GAREM1: variants seen among roughly 807,000 people sequenced by gnomAD.
GAREM1 encodes the protein GRB2 associated regulator of MAPK1 subtype 1.
A neutral mutation model predicts 71.3 loss-of-function variants in GAREM1; 26 were observed. The ratio of observed to expected loss-of-function variants is 0.36; its 90% CI spans 0.27 to 0.51. GAREM1 has a LOEUF of 0.51. GAREM1 is among the 20% of genes least tolerant of loss of function. GAREM1 has a pLI of 0.95. For missense variants in GAREM1, 1,026 were observed against 1,103.1 expected (o/e 0.93, Z 0.99); for synonymous variants, 440 against 433.2 (o/e 1.02, Z -0.20).
intron 1 of GAREM1, among the ~76,000 whole-genome samples, chr18:32,401,445 T>TA (rs34596610): frequency 0.13 from 20,262 of 151,432 alleles, 1,570 homozygotes; most frequent in African/African-American, 0.21. Flanking sequence ...ATAATGGTCT[T>TA]AAAAAGAAAA....
At chr18:32,313,389 G>A (rs2047343636) in intron 2 of GAREM1, among the ~76,000 whole-genome samples, 1 of 152,174 alleles carries the variant, frequency 6.6e-6, no homozygotes, top group Admixed American at 6.5e-5. Context: ...AGAAGTCAGT[G>A]CATGCAGTTG....
At chr18:32,463,197 A>G (rs2048968299) in intron 1 of GAREM1, among the ~76,000 whole-genome samples, 1 of 152,204 alleles carries the variant, frequency 6.6e-6, no homozygotes, top group African/African-American at 2.4e-5. Flanking sequence ...ATAAATATGT[A>G]TTAATATAAT....
intron 2 of GAREM1, among the ~76,000 whole-genome samples, chr18:32,353,568 C>G (rs921748967): frequency 6.6e-6 from 1 of 152,146 alleles, no homozygotes; most frequent in African/African-American, 2.4e-5. Flanking sequence ...TACCTATGGG[C>G]TTTGACTTCT....
At chr18:32,401,066 A>G (rs2048310398) in intron 1 of GAREM1, among the ~76,000 whole-genome samples, 1 of 152,180 alleles carries the variant, frequency 6.6e-6, no homozygotes. Flanking sequence ...TCAGCAAACT[A>G]TAGGAAGGAC....
intron 1 of GAREM1, among the ~76,000 whole-genome samples, chr18:32,469,588 G>T (rs930957864): frequency 1.3e-5 from 2 of 152,228 alleles, no homozygotes; most frequent in Non-Finnish European, 2.9e-5. Flanking sequence ...GGAGGAAGGA[G>T]TTGGGTGGGT....
intron 2 of GAREM1, among the ~76,000 whole-genome samples, chr18:32,373,099 C>T (rs1260597358): frequency 6.6e-6 from 1 of 152,104 alleles, no homozygotes; most frequent in East Asian, 1.9e-4. Context: ...TACAAGTATT[C>T]ATGTTGTATC....
At chr18:32,361,377 C>CA (rs893090132) in intron 2 of GAREM1, among the ~76,000 whole-genome samples, 12 of 151,618 alleles carry the variant, frequency 7.9e-5, no homozygotes, top group East Asian at 3.9e-4. Context: ...AAATCTGTTG[C>CA]AAAAAAACAA....
intron 2 of GAREM1, among the ~76,000 whole-genome samples, chr18:32,384,200 G>A (rs1425869121): frequency 6.6e-6 from 1 of 152,104 alleles, no homozygotes; most frequent in Non-Finnish European, 1.5e-5. Context: ...GTTTCCATAA[G>A]AAGCCATGAG....
At chr18:32,451,366 C>G (rs182073268) in intron 1 of GAREM1, among the ~76,000 whole-genome samples, 11 of 150,448 alleles carry the variant, frequency 7.3e-5, no homozygotes, top group Admixed American at 3.4e-4. Context: ...GAACAATAAA[C>G]CCTTGCTGTT....
chr18:32,283,588 A>G (rs1407488469), intron 4 of GAREM1, among the ~76,000 whole-genome samples: 5 of 152,140 alleles, frequency 3.3e-5, no homozygotes, highest in Admixed American at 1.3e-4. Context: ...TTATTAAACA[A>G]TCTTTACAAA....
At chr18:32,342,240 G>A (rs971809605) in intron 2 of GAREM1, among the ~76,000 whole-genome samples, 2 of 152,020 alleles carry the variant, frequency 1.3e-5, no homozygotes, top group African/African-American at 2.4e-5. Flanking sequence ...TTGAGGTCTC[G>A]AAGCTAAAGA....
intron 1 of GAREM1, among the ~76,000 whole-genome samples, chr18:32,429,965 T>C (rs954383373): frequency 6.6e-5 from 10 of 152,224 alleles, no homozygotes; most frequent in Non-Finnish European, 1.5e-4. Flanking sequence ...AAATCATGGC[T>C]TGTCATGGAC....
In GAREM1 at chr18:32,268,296, T is replaced by G; in HGVS notation, c.2206A>C (p.Lys736Gln). Reference sequence around the variant, plus strand: ...AAAGGAGATGTTTCGGAGGCGACCTTCTCTTCCACTAGTTTTGGAGCCCTG... The same window carrying G: ...AAAGGAGATGTTTCGGAGGCGACCTGCTCTTCCACTAGTTTTGGAGCCCTG... ...PPRAPKLVEEKVASETSPLPL... is the reference protein window; with the variant it reads ...PPRAPKLVEEQVASETSPLPL... The change falls in exon 6 of 6, where the codon AAG becomes CAG. Residue 736 changes from lysine to glutamine, a missense_variant. Lys to Gln is a moderately conservative substitution (Grantham distance 53). Around this residue, in one of 3 missense-constraint regions of GAREM1, gnomAD observed 636 missense variants for 631.2 expected, o/e 1.01. Coordinates refer to ENST00000269209, the MANE Select transcript of GAREM1 (RefSeq NM_001242409.2). The G allele has an allele frequency of 6.2e-7, 1 of 1,614,066 alleles. No homozygotes were observed.
At chr18:32,305,647 G>A (rs753052565) in intron 3 of GAREM1, among the ~76,000 whole-genome samples, 2 of 152,148 alleles carry the variant, frequency 1.3e-5, no homozygotes, top group African/African-American at 4.8e-5. Context: ...AGCCTCCCAA[G>A]TAGCTGGGAT....
At chr18:32,397,639 T>A (rs146256688) in intron 1 of GAREM1, among the ~76,000 whole-genome samples, 5 of 152,064 alleles carry the variant, frequency 3.3e-5, no homozygotes, top group Non-Finnish European at 7.4e-5. Context: ...ACAGGAGCAC[T>A]CAGATTCATA....
intron 2 of GAREM1, among the ~76,000 whole-genome samples, chr18:32,350,316 A>T (rs2047735695): frequency 6.6e-6 from 1 of 152,182 alleles, no homozygotes; most frequent in Admixed American, 6.5e-5. Flanking sequence ...AATCACCTCT[A>T]ACAGTTCAAC....
chr18:32,374,141 T>C (rs1290440948), intron 2 of GAREM1, among the ~76,000 whole-genome samples: 2 of 152,142 alleles, frequency 1.3e-5, no homozygotes, highest in Non-Finnish European at 2.9e-5. Flanking sequence ...ATTTCACACA[T>C]GGTCTTCAAA....
At chr18:32,412,071 T>A (rs1223766432) in intron 1 of GAREM1, 1 of 706,356 alleles carries the variant, frequency 1.4e-6, no homozygotes, top group East Asian at 2.7e-5. Flanking sequence ...CCCATACACA[T>A]GAGTATTTGT....
intron 3 of GAREM1, among the ~76,000 whole-genome samples, chr18:32,291,450 CAAG>C (rs1354919875): frequency 1.3e-5 from 2 of 151,976 alleles, no homozygotes; most frequent in East Asian, 3.9e-4. Context: ...GTTTTGACTG[CAAG>C]GATGTATACT....
Sources: gnomAD v4.1 joint callset for allele counts (sites outside exome capture counted in the v4.1 genomes callset) on GRCh38, gnomAD v4.1.1 for gene constraint, gnomAD v4.1.1 regional missense constraint, MANE v1.5 for transcripts, NCBI Gene and HGNC (gene_info 2026-07-23, HGNC 2026-07-21) for gene names.